The following FAAH2 variants were observed in gnomAD, a reference collection of about 807,000 sequenced individuals.
The protein encoded by FAAH2 is fatty acid amide hydrolase 2, also known as fatty-acid amide hydrolase 2.
In FAAH2, 60 loss-of-function variants were observed where a neutral mutation model predicts 36.9. The observed-to-expected ratio is 1.63, with a 90% CI of 1.32 to 2.02. The LOEUF (loss-of-function observed/expected upper bound fraction) is 2.02. FAAH2 is among the 30% of genes most tolerant of loss of function. The pLI, the probability that FAAH2 is intolerant of heterozygous loss-of-function variation, is 0.00. For synonymous variants in FAAH2, 214 were observed against 143.8 expected, an observed-to-expected ratio of 1.49 and a Z score of -3.49; for missense variants, 689 against 397.5, an observed-to-expected ratio of 1.73 and a Z score of -6.23.
At chrX:57,420,932 G>T (rs747586133) in intron 7 of FAAH2, among the ~76,000 whole-genome samples, 19 of 111,965 alleles carry the variant, frequency 1.7e-4, no homozygotes, top group East Asian at 1.1e-3. Context: ...TAGCATGAAG[G>T]GTTGTTGAAT....
In FAAH2 at chrX:57,413,148, A is replaced by T. The variant is rs763308248; in HGVS notation, c.997-18770A>T. Among the ~76,000 whole-genome samples the T allele has an allele frequency of 2.7e-5, 3 of 111,805 alleles. No individual in the cohort carries two copies. The South Asian group carries it at 1.1e-3, about 42-fold the overall frequency. ...GCCCTTTGTCAGATGGAGAGATTGC[A>T]AAAATTTTCTCCTATTCTGTAGGTT... On this transcript the variant is annotated intron_variant, in intron 7 of 10. Coordinates refer to ENST00000374900, the MANE Select transcript of FAAH2 (RefSeq NM_174912.4).
At chrX:57,125,092 C>A in the FAAH2 span, among the ~76,000 whole-genome samples, 54 of 112,501 alleles carry the variant, frequency 4.8e-4, no homozygotes, top group African/African-American at 1.3e-3. Flanking sequence ...CAGTTTTCAA[C>A]GGGAATGCTT....
At chrX:57,266,322 AGACAACTAGG>A in the FAAH2 span, among the ~76,000 whole-genome samples, 2 of 111,642 alleles carry the variant, frequency 1.8e-5, no homozygotes, top group African/African-American at 6.5e-5. Context: ...GGAAAACCTG[AGACAACTAGG>A]GACTGGAGTG....
the FAAH2 span, among the ~76,000 whole-genome samples, chrX:57,244,518 G>A: frequency 6.3e-5 from 7 of 111,821 alleles, no homozygotes; most frequent in East Asian, 2.8e-4. Flanking sequence ...TACCCACAAG[G>A]GAATCCCATC....
intron 3 of FAAH2, among the ~76,000 whole-genome samples, chrX:57,325,474 T>A (rs2053186856): frequency 9.0e-6 from 1 of 111,482 alleles, no homozygotes; most frequent in Admixed American, 9.6e-5. Flanking sequence ...GGTCCTGAAC[T>A]TTTTTTGGTT....
the FAAH2 span, among the ~76,000 whole-genome samples, chrX:57,165,932 A>G: frequency 9.1e-6 from 1 of 110,481 alleles, no homozygotes; most frequent in African/African-American, 3.3e-5. Context: ...CATGCCCCCC[A>G]TCCTGTGCCT....
At chrX:57,158,462 C>A in the FAAH2 span, among the ~76,000 whole-genome samples, 1 of 112,010 alleles carries the variant, frequency 8.9e-6, no homozygotes, top group Non-Finnish European at 1.9e-5. Flanking sequence ...ACAATCCCAC[C>A]AACAGTGTAA....
the FAAH2 span, among the ~76,000 whole-genome samples, chrX:57,154,415 G>A: frequency 4.7e-4 from 50 of 106,571 alleles, no homozygotes; most frequent in African/African-American, 1.6e-3. Flanking sequence ...AGGCACCCAC[G>A]ACCATGCCTG....
At chrX:57,411,791 T>C (rs1306471851) in intron 7 of FAAH2, among the ~76,000 whole-genome samples, 6 of 111,883 alleles carry the variant, frequency 5.4e-5, no homozygotes, top group African/African-American at 6.5e-5. Context: ...GTGATACAGT[T>C]AATGGGAAAC....
chrX:57,216,524 A>T, the FAAH2 span, among the ~76,000 whole-genome samples: 2 of 71,255 alleles, frequency 2.8e-5, no homozygotes, highest in Non-Finnish European at 4.6e-5. Context: ...ATATACGTAT[A>T]TGTATATATA....
the FAAH2 span, among the ~76,000 whole-genome samples, chrX:57,185,490 G>C: frequency 4.8e-3 from 292 of 61,369 alleles, no homozygotes; most frequent in African/African-American, 0.025. Flanking sequence ...CTCTGTCTCT[G>C]TGTGTGTGTG....
the FAAH2 span, among the ~76,000 whole-genome samples, chrX:57,149,698 C>CA: frequency 4.5e-5 from 5 of 110,532 alleles, no homozygotes; most frequent in Non-Finnish European, 7.6e-5. Context: ...TTGATCTTTT[C>CA]AAAAAAACAG....
At chrX:57,276,499 C>T in the FAAH2 span, among the ~76,000 whole-genome samples, 4 of 111,297 alleles carry the variant, frequency 3.6e-5, no homozygotes, top group African/African-American at 1.3e-4. Flanking sequence ...CACCCTAACA[C>T]CACAGTTGAA....
At chrX:57,236,000 T>A in the FAAH2 span, among the ~76,000 whole-genome samples, 1 of 112,397 alleles carries the variant, frequency 8.9e-6, no homozygotes, top group African/African-American at 3.2e-5. Flanking sequence ...TCTTCCATTC[T>A]CCACTCCCAT....
chrX:57,456,286 T>C (rs1376643905), intron 10 of FAAH2, among the ~76,000 whole-genome samples: 1 of 112,180 alleles, frequency 8.9e-6, no homozygotes, highest in Non-Finnish European at 1.9e-5. Flanking sequence ...ATCTTTGAGA[T>C]GCAGTTAAAG....
chrX:57,262,604 A>T, the FAAH2 span, among the ~76,000 whole-genome samples: 1 of 111,659 alleles, frequency 9.0e-6, no homozygotes, highest in Non-Finnish European at 1.9e-5. Context: ...AACACTTTCT[A>T]ACTAATTGTA....
intron 5 of FAAH2, 100 bp downstream of exon 5, chrX:57,341,490 T>C: frequency 1.1e-6 from 1 of 944,318 alleles, no homozygotes; most frequent in Non-Finnish European, 1.4e-6. Flanking sequence ...AGGGTGATTA[T>C]TATATATTTC....
intron 5 of FAAH2, among the ~76,000 whole-genome samples, chrX:57,368,796 G>A (rs2054482028): frequency 9.0e-6 from 1 of 110,855 alleles, no homozygotes; most frequent in Admixed American, 9.7e-5. Context: ...TATTAATATA[G>A]GGACACAAGA....
intron 3 of FAAH2, among the ~76,000 whole-genome samples, chrX:57,325,496 T>G (rs113427600): frequency 3.6e-5 from 4 of 110,311 alleles, no homozygotes; most frequent in Non-Finnish European, 3.8e-5. Flanking sequence ...GTAGGCTATT[T>G]ATTATTGCCT....
Sources: allele counts gnomAD v4.1 joint callset (sites outside exome capture counted in the v4.1 genomes callset), GRCh38; gene constraint gnomAD v4.1.1; transcripts MANE v1.5; gene names NCBI Gene and HGNC (gene_info 2026-07-23, HGNC 2026-07-21).